RGS7: variants seen among roughly 807,000 people sequenced by gnomAD.
The protein encoded by RGS7 is regulator of G protein signaling 7.
A neutral mutation model predicts 81.1 loss-of-function variants in RGS7; 27 were observed. The ratio of observed to expected loss-of-function variants is 0.33; its 90% confidence interval spans 0.25 to 0.46. The LOEUF is 0.46. Ranked by LOEUF, RGS7 falls within the 20% of genes least tolerant of loss-of-function variation. The pLI is 1.00. For synonymous variants in RGS7, 208 were observed against 207.7 expected, an observed-to-expected ratio of 1.00 and a Z score of -0.01; for missense variants, 396 against 607.4, an observed-to-expected ratio of 0.65 and a Z score of 3.66.
At chr1:240,829,079 T>C (rs1157715063) in intron 9 of RGS7, among the ~76,000 whole-genome samples, 1 of 152,142 alleles carries the variant, frequency 6.6e-6, no homozygotes, top group Non-Finnish European at 1.5e-5. Flanking sequence ...CTCCTGCTAG[T>C]ATAGCCATTG....
At chr1:241,188,712 C>A (rs559915527) in intron 2 of RGS7, among the ~76,000 whole-genome samples, 3 of 152,118 alleles carry the variant, frequency 2.0e-5, no homozygotes, top group Non-Finnish European at 4.4e-5. Context: ...TAATTGACTT[C>A]TATGGTCAAT....
chr1:240,918,544 G>C (rs1218741218), intron 6 of RGS7, among the ~76,000 whole-genome samples: 1 of 152,018 alleles, frequency 6.6e-6, no homozygotes, highest in Non-Finnish European at 1.5e-5. Flanking sequence ...AGTATTTCAA[G>C]CTAAATGAAA....
At chr1:240,954,116 A>C (rs544225042) in intron 4 of RGS7, among the ~76,000 whole-genome samples, 2 of 152,142 alleles carry the variant, frequency 1.3e-5, no homozygotes, top group East Asian at 3.9e-4. Flanking sequence ...ATAATTAATA[A>C]CTTCCCCCTC....
intron 3 of RGS7, among the ~76,000 whole-genome samples, chr1:241,087,716 AG>A (rs2063530327): frequency 6.6e-6 from 1 of 152,152 alleles, no homozygotes; most frequent in African/African-American, 2.4e-5. Context: ...TGGGAGGCCG[AG>A]GTGGGCAGAT....
At chr1:241,043,159 T>C (rs1305102610) in intron 3 of RGS7, among the ~76,000 whole-genome samples, 4 of 152,166 alleles carry the variant, frequency 2.6e-5, no homozygotes, top group African/African-American at 9.7e-5. Context: ...TCCAGTTCAG[T>C]AGGGTATATC....
At chr1:240,914,574 T>C (rs146645618) in intron 6 of RGS7, among the ~76,000 whole-genome samples, 233 of 152,288 alleles carry the variant, frequency 1.5e-3, no homozygotes, top group Non-Finnish European at 2.3e-3. Context: ...TCAGAGCCTA[T>C]TCCATGTAGA....
intron 2 of RGS7, among the ~76,000 whole-genome samples, chr1:241,165,819 AAAG>A (rs2070179765): frequency 6.6e-6 from 1 of 152,064 alleles, no homozygotes; most frequent in African/African-American, 2.4e-5. Context: ...TGAAAAAAAA[AAAG>A]AAAGAAAAAG....
At chr1:240,797,347 A>G (rs1687247120) in intron 18 of RGS7, among the ~76,000 whole-genome samples, 1 of 151,842 alleles carries the variant, frequency 6.6e-6, no homozygotes, top group African/African-American at 2.4e-5. Flanking sequence ...TTATCTTATC[A>G]TGTTATCTTT....
intron 6 of RGS7, among the ~76,000 whole-genome samples, chr1:240,923,437 ACT>A (rs930139306): frequency 3.3e-5 from 5 of 151,694 alleles, no homozygotes; most frequent in African/African-American, 1.2e-4. Context: ...TTTTGTTGGA[ACT>A]CTCTGCATAT....
At chr1:240,841,249 T>A (rs1657926841) in intron 9 of RGS7, among the ~76,000 whole-genome samples, 1 of 152,200 alleles carries the variant, frequency 6.6e-6, no homozygotes, top group Non-Finnish European at 1.5e-5. Context: ...AGCCTCAGTT[T>A]TAGAGAAGTC....
intron 2 of RGS7, among the ~76,000 whole-genome samples, chr1:241,258,902 T>C (rs929897724): frequency 6.6e-6 from 1 of 152,212 alleles, no homozygotes; most frequent in Non-Finnish European, 1.5e-5. Flanking sequence ...ACAATCAGCC[T>C]AAAAGTTACA....
At chr1:241,099,042 G>T (rs2064514796) in intron 2 of RGS7, among the ~76,000 whole-genome samples, 1 of 152,126 alleles carries the variant, frequency 6.6e-6, no homozygotes, top group South Asian at 2.1e-4. Flanking sequence ...GGTTATAAAG[G>T]TTAAGATCAA....
Position 240,868,117 on chromosome 1 carries a change from GGAAAGAAAGAAA to G in RGS7, c.609+458_609+469del, listed in dbSNP as rs71172654. 2.2e-3 allele frequency among the ~76,000 whole-genome samples: 272 copies of G among 122,510 alleles called. 1 individual carries two copies. Among genetic ancestry groups the G allele is most frequent in the African/African-American group, 5.7e-3 (142 of 24,800 alleles). 80.4% of individuals were successfully genotyped at this position (122,510 alleles called of 152,430 possible). A position where few individuals can be genotyped will look rare whatever the true frequency, so the allele number is the denominator to read the frequency against. ...GAAAAGAAAAAGAAAGAAAAGAAAAGGAAAGAAAGAAAGAAAGAAAGAAAGAAAGAAAGAAAG... is the reference window on the plus strand; with the variant it reads ...GAAAAGAAAAAGAAAGAAAAGAAAAGGAAAGAAAGAAAGAAAGAAAGAAAG... On this transcript the variant is annotated intron_variant, in intron 9 of 18. Transcript: ENST00000440928. This position sits in a 1 kb window ranked among gnomAD's most constrained non-coding sequence, Gnocchi z 5.1.
intron 3 of RGS7, among the ~76,000 whole-genome samples, chr1:241,033,276 A>G (rs1460985889): frequency 6.6e-6 from 1 of 152,064 alleles, no homozygotes; most frequent in Non-Finnish European, 1.5e-5. Flanking sequence ...TCTTGAACCC[A>G]GGAGGTGGAG....
chr1:241,019,998 C>T (rs1172776683), intron 3 of RGS7, among the ~76,000 whole-genome samples: 8 of 152,300 alleles, frequency 5.3e-5, no homozygotes, highest in Admixed American at 3.9e-4. Context: ...AGAGTGATGA[C>T]TTCTAAGTTC....
At chr1:241,239,919 CCACTAGGT>C (rs1314583085) in intron 2 of RGS7, among the ~76,000 whole-genome samples, 1 of 152,156 alleles carries the variant, frequency 6.6e-6, no homozygotes, top group East Asian at 1.9e-4. Context: ...GAAGTGAAGA[CCACTAGGT>C]CACTTGGTCA....
intron 4 of RGS7, among the ~76,000 whole-genome samples, chr1:240,969,681 ATGC>A (rs1682890654): frequency 6.6e-6 from 1 of 152,264 alleles, no homozygotes; most frequent in African/African-American, 2.4e-5. Flanking sequence ...GCATTTATAG[ATGC>A]ATGTGCTGTC....
intron 2 of RGS7, among the ~76,000 whole-genome samples, chr1:241,290,615 C>T (rs1209059071): frequency 1.3e-5 from 2 of 152,162 alleles, no homozygotes; most frequent in East Asian, 1.9e-4. Flanking sequence ...CTCAACTGCA[C>T]GTTAACTGAA....
chr1:241,128,346 G>T (rs1400058729), intron 2 of RGS7, among the ~76,000 whole-genome samples: 1 of 151,368 alleles, frequency 6.6e-6, no homozygotes, highest in Non-Finnish European at 1.5e-5. Context: ...CACTTTGGGA[G>T]GCCAAGGCAG....
Sources: allele counts gnomAD v4.1 joint callset (sites outside exome capture counted in the v4.1 genomes callset), GRCh38; gene constraint gnomAD v4.1.1; non-coding constraint Gnocchi (gnomAD v3.1); transcripts MANE v1.5; gene names NCBI Gene and HGNC (gene_info 2026-07-23, HGNC 2026-07-21).